Variants in XPOT observed in about 807,000 individuals in gnomAD.
The protein encoded by XPOT is exportin for tRNA, also known as exportin-T.
XPOT carries 34 observed loss-of-function variants against 128.2 expected under a neutral mutation model. That is an observed-to-expected ratio of 0.27 (90% CI 0.20 to 0.35). The LOEUF (loss-of-function observed/expected upper bound fraction) is 0.35, where lower values mean the gene tolerates loss of function less well. XPOT is among the 10% of genes least tolerant of loss of function. The pLI is 1.00. For synonymous variants in XPOT, 348 were observed against 394.3 expected (o/e 0.88, Z 1.39); for missense variants, 838 against 1,125.3 (o/e 0.74, Z 3.65).
chr12:64,446,473 C>G (rs1413409631), intron 24 of XPOT, among the ~76,000 whole-genome samples: 2 of 152,178 alleles, frequency 1.3e-5, no homozygotes, highest in Admixed American at 6.5e-5. Flanking sequence ...CTCTGCTGCT[C>G]TGGTGTAGGC....
rs1211091806 is a variant in XPOT at position 64,448,309 on chromosome 12, C to T, written c.*178C>T. 1 of 618,682 alleles carries T rather than the reference C, an allele frequency of 1.6e-6. No individual in the cohort carries two copies. The highest frequency in any genetic ancestry group is 1.8e-5 in the African/African-American group (1 of 54,406). 38.3% of individuals were successfully genotyped at this position (618,682 alleles called of 1,614,324 possible). ...TTTTCCTAATACAGGTATGTAACAA[C>T]AAAAGAAGTTGCCTGCATGCCGGTC... On this transcript the variant is annotated 3_prime_UTR_variant, in exon 25 of 25. Coordinates refer to ENST00000332707, the MANE Select transcript of XPOT (RefSeq NM_007235.6).
chr12:64,435,530 T>C, intron 21 of XPOT, 97 bp from the exon 22 acceptor site: 2 of 959,904 alleles, frequency 2.1e-6, no homozygotes, highest in Non-Finnish European at 2.8e-6. Context: ...AAATATTTAT[T>C]TGAATTTCCC....
chr12:64,416,620 A>T, intron 3 of XPOT, 78 bp from the exon 4 acceptor site: 1 of 1,161,614 alleles, frequency 8.6e-7, no homozygotes, highest in Non-Finnish European at 1.3e-6. Context: ...CTGCTGTATT[A>T]CTCATTACTA....
At position 64,448,589 on chromosome 12, in the gene XPOT, AC is replaced by A. The variant is rs2040383740; in HGVS notation, c.*459del. Reference sequence around the variant, plus strand: ...CATTTCATTTCTTTAAACTGTTTCAACGCCAATATGTATTCTACAAAAGAGA... The same window carrying A: ...CATTTCATTTCTTTAAACTGTTTCAAGCCAATATGTATTCTACAAAAGAGA... On this transcript the variant is annotated 3_prime_UTR_variant, in exon 25 of 25. Coordinates refer to ENST00000332707, the MANE Select transcript of XPOT (RefSeq NM_007235.6). The A allele has an allele frequency of 6.5e-6, 1 of 153,664 alleles. No homozygotes were observed. Among genetic ancestry groups the A allele is most frequent in the Non-Finnish European group, 1.5e-5 (1 of 68,816 alleles). 9.5% of individuals were successfully genotyped at this position (153,664 alleles called of 1,614,324 possible). A position where few individuals can be genotyped will look rare whatever the true frequency, so the allele number is the denominator to read the frequency against.
At chr12:64,416,357 T>G (rs1318526882) in intron 3 of XPOT, among the ~76,000 whole-genome samples, 1 of 152,220 alleles carries the variant, frequency 6.6e-6, no homozygotes, top group African/African-American at 2.4e-5. Context: ...ACCTAACCTG[T>G]TATTGTAAAA....
chr12:64,412,981 C>T (rs998757738), intron 2 of XPOT, among the ~76,000 whole-genome samples: 8 of 152,130 alleles, frequency 5.3e-5, no homozygotes, highest in African/African-American at 1.9e-4. Flanking sequence ...GGAACACCAC[C>T]CTCTCAGCAT....
At chr12:64,418,022 CT>C in intron 4 of XPOT, 23 bp from the exon 5 acceptor site, 2 of 1,584,784 alleles carry the variant, frequency 1.3e-6, no homozygotes, top group Non-Finnish European at 1.7e-6. Flanking sequence ...AGCCATTATT[CT>C]TTTTCTTCTC....
At position 64,421,457 on chromosome 12, in the gene XPOT, C is replaced by T. The variant is rs778545641; in HGVS notation, c.1066C>T (p.His356Tyr). The change falls in exon 9 of 25, where the codon CAT (histidine) becomes TAT (tyrosine). Residue 356 changes from histidine to tyrosine, a missense_variant. Transcript: ENST00000332707. Reference sequence around the variant, plus strand: ...TATTGGATTTTGTTACGATTATCTTCATATTTTGAAACAGGTAAGTTTTTG... The same window carrying T: ...TATTGGATTTTGTTACGATTATCTTTATATTTTGAAACAGGTAAGTTTTTG... The part of the protein sequence containing the change: ...NIIGFCYDYL[H>Y]ILKQLTVLSD... 10 of 1,609,286 alleles carry T rather than the reference C, an allele frequency of 6.2e-6. No homozygotes were observed. The highest frequency in any genetic ancestry group is 8.5e-6 in the Non-Finnish European group (10 of 1,175,916).
Position 64,433,485 on chromosome 12 carries a change from G to C in XPOT, c.2334G>C (p.Arg778=). 6.2e-7 allele frequency: 1 copy of C among 1,610,648 alleles called. No homozygotes were observed. The highest frequency in any genetic ancestry group is 8.5e-7 in the Non-Finnish European group (1 of 1,178,028). ...ATGCAATTTTTGAAGTGCTGCTCCG[G>C]CCAGCAGAAGAAAATGACCAGTCTG... The part of the protein sequence containing the change: ...LLHAIFEVLL[R]PAEENDQSAA... The change falls in exon 19 of 25, where the codon CGG becomes CGC. Residue 778 remains arginine (R), a synonymous_variant. Transcript: ENST00000332707.
At chr12:64,421,686 AG>A (rs1463831039) in intron 9 of XPOT, among the ~76,000 whole-genome samples, 5 of 151,334 alleles carry the variant, frequency 3.3e-5, no homozygotes, top group African/African-American at 1.2e-4. Context: ...CCAGCTTCAG[AG>A]GTAGTTATAG....
rs1430038131 is a variant in XPOT, at chr12:64,439,147, C to T, written c.2734-97C>T. 3.4e-6 allele frequency: 4 copies of T among 1,180,776 alleles called. No homozygotes were observed. In the Admixed American group the frequency reaches 7.2e-5, roughly 21 times the overall value. The allele number at this position is 1,180,776 out of a possible 1,614,324, so 73.1% of individuals were successfully genotyped here. ...CGGGTCTGTGTTCTTAAGCACAATA[C>T]TATATTGCCTTTAAAGTGTACATGT... On this transcript the variant is annotated intron_variant, in intron 22 of 24. Transcript: ENST00000332707.
Position 64,448,242 on chromosome 12 carries a change from T to C in XPOT, c.*111T>C, listed in dbSNP as rs1395884162. 3.0e-5 allele frequency: 32 copies of C among 1,082,682 alleles called. No individual in the cohort carries two copies. In the South Asian group the frequency reaches 3.7e-4, roughly 12 times the overall value. 67.1% of individuals were successfully genotyped at this position (1,082,682 alleles called of 1,614,324 possible). ...TCTTTTTCACATTGTTTTGAGCTTA[T>C]TGCAGTATATGTTTTGGGATTTTTC... On this transcript the variant is annotated 3_prime_UTR_variant, in exon 25 of 25. Coordinates refer to ENST00000332707, the MANE Select transcript of XPOT (RefSeq NM_007235.6).
rs772245153 is a variant in XPOT at position 64,421,311 on chromosome 12, G to A, written c.920G>A (p.Ser307Asn). ...GGACAGTCATTGATAGTTAGTTGGA[G>A]TAAATTAATTAAGAATGGGGATATT... ...GMGQSLIVSW[S>N]KLIKNGDIKN... The change falls in exon 9 of 25, where the codon AGT becomes AAT. Residue 307 changes from serine to asparagine, a missense_variant. Coordinates refer to ENST00000332707, the MANE Select transcript of XPOT (RefSeq NM_007235.6). 15 of 1,613,890 alleles carry A rather than the reference G, an allele frequency of 9.3e-6. No homozygotes were observed. The highest frequency in any genetic ancestry group is 6.8e-6 in the Non-Finnish European group (8 of 1,179,954).
At position 64,423,035 on chromosome 12, in the gene XPOT, A is replaced by G. The variant is rs771084151; in HGVS notation, c.1111A>G (p.Asn371Asp). Residue 371 changes from asparagine (N) to aspartate (D), a missense_variant, in exon 10 of 25, where the codon AAT becomes GAT. Physicochemically the swap from Asn to Asp is conservative, Grantham distance 23 (BLOSUM62 1). Transcript: ENST00000332707. ...AGTGCTCTCGGATCAGCAAAAAGCTAATGTAGAGGTAATTGACTTTATGCT... is the reference window on the plus strand; with the variant it reads ...AGTGCTCTCGGATCAGCAAAAAGCTGATGTAGAGGTAATTGACTTTATGCT... Reference protein sequence around the residue: ...LTVLSDQQKANVEAIMLAVMK... With the variant: ...LTVLSDQQKADVEAIMLAVMK... 3 of 1,613,506 alleles carry G rather than the reference A, an allele frequency of 1.9e-6. No homozygotes were observed. The Admixed American group carries it at 5.0e-5, about 27-fold the overall frequency.
At chr12:64,423,298 A>G (rs1258696504) in intron 11 of XPOT, 54 bp downstream of exon 11, 1 of 1,170,350 alleles carries the variant, frequency 8.5e-7, no homozygotes, top group Non-Finnish European at 1.2e-6. Flanking sequence ...TTATTATATC[A>G]AATTAATATT....
chr12:64,424,024 A>T (rs1451750727), intron 11 of XPOT, among the ~76,000 whole-genome samples: 1 of 152,102 alleles, frequency 6.6e-6, no homozygotes, highest in Non-Finnish European at 1.5e-5. Context: ...TTTGTTCTAA[A>T]GTGTTGTATT....
chr12:64,437,302 A>C (rs2040290872), intron 22 of XPOT, among the ~76,000 whole-genome samples: 1 of 152,238 alleles, frequency 6.6e-6, no homozygotes, highest in Non-Finnish European at 1.5e-5. Context: ...CAGTGGGTTA[A>C]GTACTTTAGT....
At position 64,430,042 on chromosome 12, in the gene XPOT, A is replaced by G; in HGVS notation, c.1738-7A>G. 6.4e-7 allele frequency: 1 copy of G among 1,561,894 alleles called. No individual in the cohort carries two copies. The highest frequency in any genetic ancestry group is 8.6e-7 in the Non-Finnish European group (1 of 1,158,806). ...AAAAGCTTTAATAAGACTGAATTTC[A>G]TTCTAGGAGAATGGCCACCAGTCCT... On this transcript the variant is annotated splice_polypyrimidine_tract_variant and splice_region_variant and intron_variant, in intron 16 of 24. Coordinates refer to ENST00000332707, the MANE Select transcript of XPOT (RefSeq NM_007235.6).
chr12:64,448,281 TA>T lies in XPOT; in HGVS notation c.*152del. The stretch of plus-strand genomic sequence containing the variant: ...TTGGGATTTTTCTGTAAAATGGGTG[TA>T]ATTTTCCTAATACAGGTATGTAACA... On this transcript the variant is annotated 3_prime_UTR_variant, in exon 25 of 25. Coordinates refer to ENST00000332707, the MANE Select transcript of XPOT (RefSeq NM_007235.6). 1.4e-6 allele frequency: 1 copy of T among 716,684 alleles called. No individual in the cohort carries two copies. The highest frequency in any genetic ancestry group is 2.4e-6 in the Non-Finnish European group (1 of 413,380). 44.4% of individuals were successfully genotyped at this position (716,684 alleles called of 1,614,324 possible). A position where few individuals can be genotyped will look rare whatever the true frequency, so the allele number is the denominator to read the frequency against.
Sources: allele counts gnomAD v4.1 joint callset (sites outside exome capture counted in the v4.1 genomes callset), GRCh38; gene constraint gnomAD v4.1.1; transcripts MANE v1.5; gene names NCBI Gene and HGNC (gene_info 2026-07-23, HGNC 2026-07-21).